The following PCDHA5 variants were observed in gnomAD, a reference collection of about 807,000 sequenced individuals.
PCDHA5 encodes protocadherin alpha 5, also known as protocadherin alpha-5.
In PCDHA5, 43 loss-of-function variants were observed where a neutral mutation model predicts 61.6. That is an observed-to-expected ratio of 0.70 (90% CI 0.55 to 0.90). PCDHA5 has a LOEUF of 0.90. Ranked by LOEUF, PCDHA5 falls within the 40% of genes least tolerant of loss-of-function variation. The probability of loss-of-function intolerance (pLI) is 0.00; values close to 1 mark genes in which losing one functional copy is unlikely to be tolerated. For missense variants in PCDHA5, 1,298 were observed against 1,222.7 expected, an observed-to-expected ratio of 1.06 and a Z score of -0.92; for synonymous variants, 627 against 543.9, an observed-to-expected ratio of 1.15 and a Z score of -2.13.
Position 140,850,461 on chromosome 5 carries a change from G to T in PCDHA5, c.2352+26334G>T. Reference sequence around the variant, plus strand: ...ACTGGTGCTGGTGAAAGACCACGGGGAGCCAGCGCTGACGGCCACGGCCAC... The same window carrying T: ...ACTGGTGCTGGTGAAAGACCACGGGTAGCCAGCGCTGACGGCCACGGCCAC... On this transcript the variant is annotated intron_variant, in intron 1 of 3. Transcript: ENST00000529859. The T allele has an allele frequency of 1.9e-6, 3 of 1,598,002 alleles. No individual in the cohort carries two copies. The East Asian group carries it at 6.7e-5, about 36-fold the overall frequency.
intron 1 of PCDHA5, among the ~76,000 whole-genome samples, chr5:140,826,241 T>C (rs958846502): frequency 1.3e-5 from 2 of 152,242 alleles, no homozygotes; most frequent in Non-Finnish European, 2.9e-5. Context: ...ACTATTTATA[T>C]ATCTCTTTAT....
chr5:140,982,765 C>T (rs1345701735), intron 3 of PCDHA5, among the ~76,000 whole-genome samples: 2 of 151,722 alleles, frequency 1.3e-5, no homozygotes, highest in African/African-American at 2.4e-5. Flanking sequence ...AAAAGGATAA[C>T]AAGGAAAGTG....
At chr5:140,972,691 G>A (rs1213069719) in intron 1 of PCDHA5, among the ~76,000 whole-genome samples, 3 of 137,348 alleles carry the variant, frequency 2.2e-5, no homozygotes, top group Admixed American at 1.5e-4. Flanking sequence ...TTGAGATGGA[G>A]TCTCACTCTG....
chr5:141,012,182 A>T lies in PCDHA5; in HGVS notation c.*2245A>T, dbSNP rs1334407628. On this transcript the variant is annotated 3_prime_UTR_variant, in exon 4 of 4. Coordinates refer to ENST00000529859, the MANE Select transcript of PCDHA5 (RefSeq NM_018908.3). ...CTAATTTATTAATGATGATAATTATAATGTATCTGTACAGCACTTTTTACA... is the reference window on the plus strand; with the variant it reads ...CTAATTTATTAATGATGATAATTATTATGTATCTGTACAGCACTTTTTACA... 6.5e-6 allele frequency: 1 copy of T among 153,776 alleles called. No homozygotes were observed. The highest frequency in any genetic ancestry group is 1.5e-5 in the Non-Finnish European group (1 of 68,050). 9.5% of individuals were successfully genotyped at this position (153,776 alleles called of 1,614,324 possible).
intron 3 of PCDHA5, among the ~76,000 whole-genome samples, chr5:140,993,524 A>ACGGG (rs2097569997): frequency 2.0e-5 from 3 of 147,314 alleles, no homozygotes; most frequent in Admixed American, 2.0e-4. Flanking sequence ...AGAGAGAGAC[A>ACGGG]GAGAGAGAGA....
Position 140,823,173 on chromosome 5 carries a change from C to A in PCDHA5, c.1398C>A (p.Asn466Lys). ...QPQYTVFVKE[N>K]NPPGCHIFTV... ...AGTATACCGTGTTCGTGAAGGAGAACAACCCGCCAGGCTGCCACATCTTCA... is the reference window on the plus strand; with the variant it reads ...AGTATACCGTGTTCGTGAAGGAGAAAAACCCGCCAGGCTGCCACATCTTCA... Residue 466 changes from asparagine to lysine, a missense_variant, in exon 1 of 4, where the codon AAC becomes AAA. Transcript: ENST00000529859. 4 of 1,613,906 alleles carry A rather than the reference C, an allele frequency of 2.5e-6. No individual in the cohort carries two copies. In the South Asian group the frequency reaches 4.4e-5, roughly 18 times the overall value.
intron 1 of PCDHA5, chr5:140,869,893 C>T (rs375422597): frequency 6.2e-7 from 1 of 1,610,510 alleles, no homozygotes; most frequent in Admixed American, 1.7e-5. Flanking sequence ...TGTGCTCAAA[C>T]TAAACGCCAC....
intron 1 of PCDHA5, chr5:140,926,948 C>A: frequency 1.3e-6 from 2 of 1,589,774 alleles, no homozygotes; most frequent in South Asian, 1.1e-5. Flanking sequence ...GGCGCTGCAG[C>A]GGGACAGCTC....
At chr5:140,876,531 T>G in intron 1 of PCDHA5, 1 of 1,614,200 alleles carries the variant, frequency 6.2e-7, no homozygotes, top group South Asian at 1.1e-5. Flanking sequence ...TAATGGTTAC[T>G]TCACTGTCGC....
rs180868237 is a variant in PCDHA5 at position 140,870,334 on chromosome 5, G to A, written c.2352+46207G>A. 21 of 1,614,166 alleles carry A rather than the reference G, an allele frequency of 1.3e-5. No individual in the cohort carries two copies. The Admixed American group carries it at 2.3e-4, about 18-fold the overall frequency. On this transcript the variant is annotated intron_variant, in intron 1 of 3. Transcript: ENST00000529859. ...TTACTACTCGTTGGTGCTGGACAGC[G>A]CCCTGGACCGCGAGAACGTGTGGGC...
chr5:140,842,757 C>T (rs1481721691), intron 1 of PCDHA5: 2 of 1,594,844 alleles, frequency 1.3e-6, no homozygotes, highest in Non-Finnish European at 1.7e-6. Flanking sequence ...ACGGTGTCTG[C>T]GCGAGACGCG....
chr5:140,929,715 T>A, intron 1 of PCDHA5: 1 of 230,486 alleles, frequency 4.3e-6, no homozygotes, highest in East Asian at 9.8e-5. Flanking sequence ...ATATGGAAGG[T>A]GAAACATTTA....
At chr5:140,947,275 T>G (rs246050) in intron 1 of PCDHA5, among the ~76,000 whole-genome samples, 85,352 of 151,290 alleles carry the variant, frequency 0.56, 24,679 homozygotes, top group African/African-American at 0.69. Context: ...GAAAATACTT[T>G]TTCTTTTTAT....
chr5:140,894,821 C>T, intron 1 of PCDHA5, among the ~76,000 whole-genome samples: 1 of 151,806 alleles, frequency 6.6e-6, no homozygotes, highest in Non-Finnish European at 1.5e-5. Context: ...TCAGATTTGC[C>T]CATAATCCTT....
At chr5:140,834,412 G>T in intron 1 of PCDHA5, 1 of 1,611,044 alleles carries the variant, frequency 6.2e-7, no homozygotes, top group Non-Finnish European at 8.5e-7. Flanking sequence ...TACGACCCAG[G>T]GGGCCGACAT....
intron 1 of PCDHA5, among the ~76,000 whole-genome samples, chr5:140,896,879 G>A (rs1323456222): frequency 6.6e-6 from 1 of 151,976 alleles, no homozygotes; most frequent in Non-Finnish European, 1.5e-5. Context: ...TATTTATGGG[G>A]TATATGAGAC....
At chr5:140,864,365 AT>A (rs1190318637) in intron 1 of PCDHA5, 4 of 152,220 alleles carry the variant, frequency 2.6e-5, no homozygotes, top group Non-Finnish European at 5.9e-5. Flanking sequence ...TTATCTTTCT[AT>A]AATCGATAAG....
chr5:140,965,999 A>T (rs1300275113), intron 1 of PCDHA5, among the ~76,000 whole-genome samples: 1 of 152,140 alleles, frequency 6.6e-6, no homozygotes, highest in Non-Finnish European at 1.5e-5. Context: ...AGTACTTAAG[A>T]GTGTCCAGGG....
Position 141,010,391 on chromosome 5 carries a change from C to T in PCDHA5, c.*454C>T, listed in dbSNP as rs976643195. The T allele has an allele frequency of 2.2e-5, 30 of 1,386,642 alleles. No homozygotes were observed. Among genetic ancestry groups the T allele is most frequent in the South Asian group, 2.9e-5 (2 of 68,924 alleles). The allele number at this position is 1,386,642 out of a possible 1,614,324, so 85.9% of individuals were successfully genotyped here. A position where few individuals can be genotyped will look rare whatever the true frequency, so the allele number is the denominator to read the frequency against. The stretch of plus-strand genomic sequence containing the variant: ...TGCGAGTGCCAGATATTGGCTGAGA[C>T]GAGCCAGCTTAGACTAATTGGTACA... On this transcript the variant is annotated 3_prime_UTR_variant, in exon 4 of 4. Transcript: ENST00000529859.
Sources: gnomAD v4.1 joint callset for allele counts (sites outside exome capture counted in the v4.1 genomes callset) on GRCh38, gnomAD v4.1.1 for gene constraint, MANE v1.5 for transcripts, NCBI Gene and HGNC (gene_info 2026-07-23, HGNC 2026-07-21) for gene names.